GRM8: variants seen among roughly 807,000 people sequenced by gnomAD.
The protein encoded by GRM8 is glutamate metabotropic receptor 8, also known as metabotropic glutamate receptor 8.
In GRM8, 47 loss-of-function variants were observed where a neutral mutation model predicts 87.2. The observed-to-expected ratio is 0.54, with a 90% CI of 0.43 to 0.69. The LOEUF (loss-of-function observed/expected upper bound fraction) is 0.69, where lower values mean the gene tolerates loss of function less well. Among genes scored for constraint, GRM8 ranks in the 30% least tolerant of loss-of-function variants. GRM8 has a pLI of 0.00. For synonymous variants in GRM8, 396 were observed against 404.5 expected, an observed-to-expected ratio of 0.98 and a Z score of 0.25; for missense variants, 1,019 against 1,139.2, an observed-to-expected ratio of 0.89 and a Z score of 1.52.
At chr7:126,987,411 G>T (rs190761569) in intron 3 of GRM8, among the ~76,000 whole-genome samples, 2 of 150,922 alleles carry the variant, frequency 1.3e-5, no homozygotes, top group African/African-American at 4.9e-5. Context: ...TAAGTGTTAC[G>T]TTCTTTAAGG....
chr7:126,521,972 T>C (rs530600347), intron 9 of GRM8, among the ~76,000 whole-genome samples: 1 of 152,312 alleles, frequency 6.6e-6, no homozygotes, highest in Non-Finnish European at 1.5e-5. Flanking sequence ...AAATTGATTT[T>C]TACCCAATTT....
intron 7 of GRM8, among the ~76,000 whole-genome samples, chr7:126,672,717 C>T (rs1806510607): frequency 6.6e-6 from 1 of 152,080 alleles, no homozygotes; most frequent in South Asian, 2.1e-4. Context: ...TGGTAAAAGG[C>T]CTTGGGATTT....
chr7:127,155,763 A>G (rs1792688727), intron 2 of GRM8, among the ~76,000 whole-genome samples: 1 of 152,210 alleles, frequency 6.6e-6, no homozygotes, highest in African/African-American at 2.4e-5. Context: ...ACAGCCTGGA[A>G]ACACATGTTA....
At chr7:127,226,543 A>G (rs926588316) in intron 2 of GRM8, among the ~76,000 whole-genome samples, 3 of 152,174 alleles carry the variant, frequency 2.0e-5, no homozygotes, top group African/African-American at 7.2e-5. Context: ...CTTACACCAA[A>G]AAGTAAATTG....
At chr7:126,718,107 G>A (rs13233251) in intron 7 of GRM8, among the ~76,000 whole-genome samples, 2 of 151,986 alleles carry the variant, frequency 1.3e-5, no homozygotes, top group African/African-American at 2.4e-5. Flanking sequence ...CGTGGTGGCA[G>A]GCGCCTGTAG....
In GRM8 at chr7:126,701,215, G is replaced by C. The variant is rs547990190; in HGVS notation, c.1357+68650C>G. Among the ~76,000 whole-genome samples, 3 of 152,220 alleles carry C rather than the reference G, an allele frequency of 2.0e-5. No individual in the cohort carries two copies. In the South Asian group the frequency reaches 6.2e-4, roughly 32 times the overall value. On this transcript the variant is annotated intron_variant, in intron 7 of 10. Transcript: ENST00000339582. The stretch of plus-strand genomic sequence containing the variant: ...TTAGTCACAGTTGATCTCAGCTGCA[G>C]GCCCGGAAGGTTGGGGGTGGGCTGC...
chr7:126,692,844 T>C (rs1046535951), intron 7 of GRM8, among the ~76,000 whole-genome samples: 1 of 152,096 alleles, frequency 6.6e-6, no homozygotes, highest in Non-Finnish European at 1.5e-5. Context: ...CCTGAAAGAG[T>C]AAAATAATCA....
intron 3 of GRM8, among the ~76,000 whole-genome samples, chr7:127,088,803 C>T (rs936683095): frequency 2.6e-5 from 4 of 152,180 alleles, no homozygotes; most frequent in African/African-American, 4.8e-5. Context: ...TCAAGTGGAG[C>T]TCACCCCAGC....
rs12666993 is a variant in GRM8 at position 126,641,159 on chromosome 7, G to A, written c.1358-31661C>T. Among the ~76,000 whole-genome samples the A allele has an allele frequency of 4.1e-3, 622 of 152,040 alleles. 19 individuals are homozygous for A. The East Asian group carries it at 0.078, about 19-fold the overall frequency. The stretch of plus-strand genomic sequence containing the variant: ...TTCTTCAAGAGCTCTGTTAGCAATG[G>A]GAATACTTTACTTTTTAAAAGTTTC... On this transcript the variant is annotated intron_variant, in intron 7 of 10. Transcript: ENST00000339582.
In GRM8 at chr7:126,686,522, G is replaced by A. The variant is rs145192357; in HGVS notation, c.1358-77024C>T. On this transcript the variant is annotated intron_variant, in intron 7 of 10. Coordinates refer to ENST00000339582, the MANE Select transcript of GRM8 (RefSeq NM_000845.3). The stretch of plus-strand genomic sequence containing the variant: ...CAAGCTTCCAGGAGCTACTGCATTC[G>A]CTGGTGCCAGCTGGAGAAGCTGTTT... Among the ~76,000 whole-genome samples the A allele has an allele frequency of 7.6e-3, 1,152 of 152,244 alleles. 17 individuals are homozygous for A. The highest frequency in any genetic ancestry group is 0.026 in the African/African-American group (1,064 of 41,542).
At chr7:126,528,614 T>TTGTGTGTG (rs59437677) in intron 9 of GRM8, among the ~76,000 whole-genome samples, 2,508 of 149,178 alleles carry the variant, frequency 0.017, 25 homozygotes, top group South Asian at 0.04. Flanking sequence ...ACAAAAGAAG[T>TTGTGTGTG]TGTGTGTGTG....
At chr7:126,494,882 G>A (rs1449095625) in intron 9 of GRM8, among the ~76,000 whole-genome samples, 5 of 151,904 alleles carry the variant, frequency 3.3e-5, no homozygotes, top group Admixed American at 2.0e-4. Flanking sequence ...CTGAACATTG[G>A]AAAATACTAT....
intron 2 of GRM8, among the ~76,000 whole-genome samples, chr7:127,195,368 T>C (rs1795227487): frequency 6.6e-6 from 1 of 152,124 alleles, no homozygotes; most frequent in African/African-American, 2.4e-5. Flanking sequence ...GTCTAGATAT[T>C]GTTATGACTA....
At chr7:126,475,064 G>A (rs1036952877) in intron 9 of GRM8, among the ~76,000 whole-genome samples, 1 of 152,068 alleles carries the variant, frequency 6.6e-6, no homozygotes, top group Non-Finnish European at 1.5e-5. Context: ...CCTCTAAGAT[G>A]AGGAACAAGA....
intron 8 of GRM8, among the ~76,000 whole-genome samples, chr7:126,575,514 T>C (rs1377812040): frequency 4.6e-5 from 7 of 152,006 alleles, no homozygotes; most frequent in Admixed American, 2.0e-4. Context: ...AAAAACTGTC[T>C]TCTATGAAAC....
intron 8 of GRM8, among the ~76,000 whole-genome samples, chr7:126,590,612 G>C (rs557727186): frequency 6.6e-6 from 1 of 152,230 alleles, no homozygotes; most frequent in South Asian, 2.1e-4. Flanking sequence ...AATCTTAAAA[G>C]CTGTGAGGCA....
At chr7:126,562,401 G>T (rs76346024) in intron 8 of GRM8, among the ~76,000 whole-genome samples, 14 of 152,174 alleles carry the variant, frequency 9.2e-5, no homozygotes, top group Non-Finnish European at 2.1e-4. Context: ...TGGCTTCCCA[G>T]TTAGTTTTTG....
chr7:127,179,033 A>G (rs1381732998), intron 2 of GRM8, among the ~76,000 whole-genome samples: 1 of 152,212 alleles, frequency 6.6e-6, no homozygotes, highest in Non-Finnish European at 1.5e-5. Context: ...TTGAATGTAA[A>G]TGGCCTAAAT....
chr7:127,000,218 G>A (rs550457042), intron 3 of GRM8, among the ~76,000 whole-genome samples: 138 of 151,898 alleles, frequency 9.1e-4, no homozygotes, highest in African/African-American at 3.2e-3. Context: ...GGAGAGAGCA[G>A]AAGGATGGTT....
Sources: allele counts gnomAD v4.1 joint callset (sites outside exome capture counted in the v4.1 genomes callset), GRCh38; gene constraint gnomAD v4.1.1; transcripts MANE v1.5; gene names NCBI Gene and HGNC (gene_info 2026-07-23, HGNC 2026-07-21).